The following SLCO1B3 variants were observed in gnomAD, a reference collection of about 807,000 sequenced individuals.
The protein encoded by SLCO1B3 is solute carrier organic anion transporter family member 1B3.
SLCO1B3 carries 72 observed loss-of-function variants against 71.8 expected under a neutral mutation model. The observed-to-expected ratio is 1.00, with a 90% CI of 0.83 to 1.22. The LOEUF (loss-of-function observed/expected upper bound fraction) is 1.22. Among genes scored for constraint, SLCO1B3 ranks in the 50% most tolerant of loss-of-function variants. The pLI is 0.00. For synonymous variants in SLCO1B3, 298 were observed against 278.4 expected (o/e 1.07, Z -0.70); for missense variants, 911 against 819.7 (o/e 1.11, Z -1.36).
At chr12:20,913,192 C>T (rs1028309613) in intron 15 of SLCO1B3, among the ~76,000 whole-genome samples, 9 of 151,992 alleles carry the variant, frequency 5.9e-5, no homozygotes, top group Non-Finnish European at 7.4e-5. Context: ...TTGAAGTCTC[C>T]AACATAATTG....
chr12:20,909,165 CTTTTT>C (rs1006708034), intron 15 of SLCO1B3, among the ~76,000 whole-genome samples: 1 of 123,858 alleles, frequency 8.1e-6, no homozygotes, highest in Non-Finnish European at 1.7e-5. Context: ...GCATCTTTTT[CTTTTT>C]TTTTTTTTTT....
In SLCO1B3 at chr12:20,883,613, T is replaced by A. The variant is rs1179377838; in HGVS notation, c.1682+11T>A. On this transcript the variant is annotated intron_variant, in intron 13 of 15. Transcript: ENST00000381545. ...CTTGTTGACTGTGAAGTAAGTATGA[T>A]CCTGTAAAACATTGTCATGTATATT... 6.4e-7 allele frequency: 1 copy of A among 1,558,316 alleles called. No homozygotes were observed. Among genetic ancestry groups the A allele is most frequent in the Non-Finnish European group, 8.7e-7 (1 of 1,151,158 alleles).
chr12:20,862,714 G>C, intron 7 of SLCO1B3, 42 bp from the exon 8 acceptor site: 1 of 1,521,056 alleles, frequency 6.6e-7, no homozygotes, highest in African/African-American at 1.4e-5. Context: ...TGAAAACCAA[G>C]TATTTGTGAC....
At position 20,883,536 on chromosome 12, in the gene SLCO1B3, C is replaced by G; in HGVS notation, c.1616C>G (p.Ala539Gly). The G allele has an allele frequency of 6.2e-7, 1 of 1,604,604 alleles. No homozygotes were observed. Among genetic ancestry groups the G allele is most frequent in the Non-Finnish European group, 8.5e-7 (1 of 1,176,472 alleles). ...ACAAGGAAATTTTTCATCTATGTTGCAATTCAAGTCATAAACTCTTTGTTC... is the reference window on the plus strand; with the variant it reads ...ACAAGGAAATTTTTCATCTATGTTGGAATTCAAGTCATAAACTCTTTGTTC... ...TCTRKFFIYV[A>G]IQVINSLFSA... is the part of the protein sequence containing the mutation. Residue 539 changes from alanine (A) to glycine (G), a missense_variant, in exon 13 of 16, where the codon GCA becomes GGA. Ala to Gly is a moderately conservative substitution (Grantham distance 60). Transcript: ENST00000381545.
intron 13 of SLCO1B3, among the ~76,000 whole-genome samples, chr12:20,895,452 G>A (rs1459256976): frequency 6.6e-6 from 1 of 152,140 alleles, no homozygotes; most frequent in African/African-American, 2.4e-5. Context: ...GGGGCTACAG[G>A]CCTTATGCAA....
At chr12:20,822,589 T>A (rs1829337658) in intron 3 of SLCO1B3, among the ~76,000 whole-genome samples, 1 of 152,146 alleles carries the variant, frequency 6.6e-6, no homozygotes, top group African/African-American at 2.4e-5. Flanking sequence ...GGGGATGGGA[T>A]GGCTTGGCTT....
chr12:20,876,861 C>T (rs1287496381), intron 9 of SLCO1B3, among the ~76,000 whole-genome samples: 3 of 151,918 alleles, frequency 2.0e-5, no homozygotes, highest in Admixed American at 1.3e-4. Context: ...GACAGAGTCT[C>T]GCTCTGTCAC....
intron 13 of SLCO1B3, among the ~76,000 whole-genome samples, chr12:20,888,269 C>A (rs944884716): frequency 1.4e-4 from 21 of 151,764 alleles, no homozygotes; most frequent in African/African-American, 4.8e-4. Context: ...TGTGTTGAAT[C>A]TGTAGATTGT....
At chr12:20,882,545 A>G (rs1317761429) in intron 12 of SLCO1B3, among the ~76,000 whole-genome samples, 1 of 151,904 alleles carries the variant, frequency 6.6e-6, no homozygotes, top group African/African-American at 2.4e-5. Flanking sequence ...CTGGGATTAC[A>G]GGTTCTCACC....
chr12:20,894,963 CACATCTT>C (rs1291537016), intron 13 of SLCO1B3, among the ~76,000 whole-genome samples: 1 of 152,152 alleles, frequency 6.6e-6, no homozygotes, highest in Non-Finnish European at 1.5e-5. Context: ...AGGAGCAAGT[CACATCTT>C]ACATGGGTGG....
intron 15 of SLCO1B3, among the ~76,000 whole-genome samples, chr12:20,911,747 G>C (rs1866381443): frequency 6.6e-6 from 1 of 152,074 alleles, no homozygotes; most frequent in African/African-American, 2.4e-5. Flanking sequence ...ATTCCCTTTT[G>C]ATCCTTTTAA....
At chr12:20,820,916 T>G (rs1466766946) in intron 3 of SLCO1B3, among the ~76,000 whole-genome samples, 1 of 151,934 alleles carries the variant, frequency 6.6e-6, no homozygotes, top group Non-Finnish European at 1.5e-5. Context: ...AGTAAATTGC[T>G]GGGCAGGTGG....
intron 15 of SLCO1B3, among the ~76,000 whole-genome samples, chr12:20,905,988 GAA>G (rs1450804257): frequency 2.0e-5 from 3 of 152,138 alleles, no homozygotes; most frequent in Non-Finnish European, 2.9e-5. Context: ...ACAGGAGAGA[GAA>G]AGTGTAAAAA....
At chr12:20,895,367 C>T (rs1049716509) in intron 13 of SLCO1B3, among the ~76,000 whole-genome samples, 22 of 152,300 alleles carry the variant, frequency 1.4e-4, no homozygotes, top group Admixed American at 9.2e-4. Flanking sequence ...AAGCTAGTTA[C>T]TTCCTAGATA....
chr12:20,874,229 C>G (rs1865533293), intron 8 of SLCO1B3, among the ~76,000 whole-genome samples: 1 of 152,054 alleles, frequency 6.6e-6, no homozygotes. Flanking sequence ...CTGTGTTAAG[C>G]CAGAGGGAAG....
In SLCO1B3 at chr12:20,883,508, T is replaced by A; in HGVS notation, c.1588T>A (p.Cys530Ser). The change falls in exon 13 of 16, where the codon TGT becomes AGT. Residue 530 changes from cysteine to serine, a missense_variant. Cys to Ser is a moderately radical substitution (Grantham distance 112, BLOSUM62 -1). Transcript: ENST00000381545. ...HLGECPRDNT[C>S]TRKFFIYVAI... is the part of the protein sequence containing the mutation. ...GGGTGAATGCCCAAGAGATAATACT[T>A]GTACAAGGAAATTTTTCATCTATGT... is the stretch of plus-strand genomic sequence containing the variant. 6.2e-7 allele frequency: 1 copy of A among 1,605,288 alleles called. No homozygotes were observed.
intron 12 of SLCO1B3, 96 bp from the exon 13 acceptor site, chr12:20,883,322 T>G: frequency 1.5e-6 from 1 of 670,988 alleles, no homozygotes; most frequent in South Asian, 3.9e-5. Context: ...ACTGTAAATA[T>G]TTTAGTTTGA....
rs148112763 is a variant in SLCO1B3, at chr12:20,831,840, T to G, written c.84+16018T>G. Among the ~76,000 whole-genome samples the G allele has an allele frequency of 7.2e-3, 1,095 of 152,296 alleles. 17 individuals carry two copies. The highest frequency in any genetic ancestry group is 0.026 in the African/African-American group (1,061 of 41,550). ...GAGATGGTGAGAGAAACAATAATAGTGGCTAACATTTGTTGAGCACTTACT... is the reference window on the plus strand; with the variant it reads ...GAGATGGTGAGAGAAACAATAATAGGGGCTAACATTTGTTGAGCACTTACT... On this transcript the variant is annotated intron_variant, in intron 3 of 15. Coordinates refer to ENST00000381545, the MANE Select transcript of SLCO1B3 (RefSeq NM_019844.4).
intron 3 of SLCO1B3, among the ~76,000 whole-genome samples, chr12:20,816,469 T>C (rs909002908): frequency 5.3e-5 from 8 of 152,324 alleles, no homozygotes; most frequent in Admixed American, 1.3e-4. Flanking sequence ...TGTCTTTCTG[T>C]GCCTGGATTA....
Sources: allele counts gnomAD v4.1 joint callset (sites outside exome capture counted in the v4.1 genomes callset), GRCh38; gene constraint gnomAD v4.1.1; transcripts MANE v1.5; gene names NCBI Gene and HGNC (gene_info 2026-07-23, HGNC 2026-07-21).